Variants in ITCH observed in about 807,000 individuals in gnomAD.
ITCH encodes the protein itchy E3 ubiquitin protein ligase, also known as E3 ubiquitin-protein ligase Itchy homolog.
A neutral mutation model predicts 126.8 loss-of-function variants in ITCH; 28 were observed. That is an observed-to-expected ratio of 0.22 (90% CI 0.16 to 0.30). The LOEUF (loss-of-function observed/expected upper bound fraction) is 0.30, where lower values mean the gene tolerates loss of function less well. Among genes scored for constraint, ITCH ranks in the 10% least tolerant of loss-of-function variants. The pLI, the probability that ITCH is intolerant of heterozygous loss-of-function variation, is 1.00. For missense variants in ITCH, 631 were observed against 1,032.4 expected, an observed-to-expected ratio of 0.61 and a Z score of 5.33; for synonymous variants, 342 against 340.0, an observed-to-expected ratio of 1.01 and a Z score of -0.06.
intron 13 of ITCH, among the ~76,000 whole-genome samples, chr20:34,459,368 G>A (rs1023895882): frequency 6.6e-6 from 1 of 152,046 alleles, no homozygotes; most frequent in Non-Finnish European, 1.5e-5. Flanking sequence ...ATCACGTACT[G>A]CCCTCTTGGC....
intron 2 of ITCH, among the ~76,000 whole-genome samples, chr20:34,389,360 C>A (rs1403847620): frequency 2.6e-5 from 4 of 151,964 alleles, no homozygotes; most frequent in Non-Finnish European, 5.9e-5. Flanking sequence ...ATAAGTGGAT[C>A]TGTGCAGTTC....
intron 2 of ITCH, among the ~76,000 whole-genome samples, chr20:34,370,774 G>A (rs900534622): frequency 2.6e-5 from 4 of 152,022 alleles, no homozygotes; most frequent in African/African-American, 9.7e-5. Context: ...TAAAAGGTCA[G>A]GAGAGAAGGA....
chr20:34,460,179 T>TTTGTTG (rs11467826), intron 13 of ITCH, among the ~76,000 whole-genome samples: 40 of 150,568 alleles, frequency 2.7e-4, no homozygotes, highest in Non-Finnish European at 4.0e-4. Context: ...TGAATACAGG[T>TTTGTTG]TTGTTGTTGT....
intron 8 of ITCH, 130 bp from the exon 9 acceptor site, chr20:34,440,025 A>G (rs923163100): frequency 4.3e-5 from 29 of 678,220 alleles, no homozygotes; most frequent in Non-Finnish European, 6.6e-5. Flanking sequence ...TCTTTAAGTA[A>G]TTTTCACCTG....
chr20:34,403,943 G>A (rs1183175259), intron 3 of ITCH, among the ~76,000 whole-genome samples: 1 of 152,158 alleles, frequency 6.6e-6, no homozygotes, highest in Non-Finnish European at 1.5e-5. Flanking sequence ...TAGGAGGCTG[G>A]AAGGGTAAGT....
intron 6 of ITCH, among the ~76,000 whole-genome samples, chr20:34,415,802 TAGA>T (rs1979748162): frequency 6.6e-6 from 1 of 152,174 alleles, no homozygotes; most frequent in African/African-American, 2.4e-5. Flanking sequence ...GCTTCGCCCA[TAGA>T]AGATGAAACT....
intron 20 of ITCH, among the ~76,000 whole-genome samples, 173 bp downstream of exon 20, chr20:34,481,379 A>T (rs933569893): frequency 4.6e-5 from 7 of 152,142 alleles, no homozygotes; most frequent in Non-Finnish European, 7.4e-5. Flanking sequence ...AAGTGTTTTT[A>T]AAAGAGTTTT....
chr20:34,468,790 C>CAA (rs141622524), intron 14 of ITCH, among the ~76,000 whole-genome samples: 78 of 139,196 alleles, frequency 5.6e-4, no homozygotes, highest in Non-Finnish European at 9.4e-4. Context: ...GACTCCATCT[C>CAA]AAAAAAAAAA....
chr20:34,374,732 A>AT (rs200015917), intron 2 of ITCH, among the ~76,000 whole-genome samples: 3,100 of 140,054 alleles, frequency 0.022, 48 homozygotes, highest in Middle Eastern at 0.077. Flanking sequence ...TTGGCTTACA[A>AT]TTTTTTTTTT....
intron 23 of ITCH, among the ~76,000 whole-genome samples, chr20:34,501,160 G>T (rs762772700): frequency 6.6e-6 from 1 of 152,204 alleles, no homozygotes; most frequent in Non-Finnish European, 1.5e-5. Flanking sequence ...GGTGGTGTAT[G>T]TAATTCTTTA....
At chr20:34,466,094 C>CT (rs1326005789) in intron 14 of ITCH, among the ~76,000 whole-genome samples, 1 of 152,044 alleles carries the variant, frequency 6.6e-6, no homozygotes, top group Non-Finnish European at 1.5e-5. Context: ...CCTAGTGTTT[C>CT]CTATCCCTGT....
At position 34,441,591 on chromosome 20, in the gene ITCH, A is replaced by ATTTTTTTTT. The variant is rs55890829; in HGVS notation, c.870-613_870-605dup. The ATTTTTTTTT allele has an allele frequency of 3.8e-4, 53 of 137,680 alleles. 2 individuals carry two copies. The highest frequency in any genetic ancestry group is 5.1e-4 in the Non-Finnish European group (33 of 65,162). The allele number at this position is 137,680 out of a possible 1,614,324, so 8.5% of individuals were successfully genotyped here. A position where few individuals can be genotyped will look rare whatever the true frequency, so the allele number is the denominator to read the frequency against. ...AGGTACCTGCCACCATGCCCAGCTA[A>ATTTTTTTTT]TTTTTTTTTTTTGAGATGGAGTCTC... On this transcript the variant is annotated intron_variant, in intron 9 of 24. Coordinates refer to ENST00000374864, the MANE Select transcript of ITCH (RefSeq NM_031483.7).
At chr20:34,495,127 A>AGGT (rs1233290539) in intron 23 of ITCH, among the ~76,000 whole-genome samples, 1 of 145,976 alleles carries the variant, frequency 6.9e-6, no homozygotes, top group Non-Finnish European at 1.5e-5. Context: ...TAGCCAGGTG[A>AGGT]GGTGGTGGGA....
chr20:34,471,796 T>TG (rs58040161), intron 16 of ITCH, among the ~76,000 whole-genome samples: 1 of 150,178 alleles, frequency 6.7e-6, no homozygotes, highest in Non-Finnish European at 1.5e-5. Context: ...TGTGTGTGTG[T>TG]TTCAGGTTTC....
intron 12 of ITCH, chr20:34,450,874 C>T (rs569358241): frequency 6.6e-6 from 1 of 152,284 alleles, no homozygotes; most frequent in East Asian, 1.9e-4. Context: ...TGAGAAATCT[C>T]ATTGCTCTTA....
At chr20:34,425,593 G>A (rs1981404181) in intron 7 of ITCH, among the ~76,000 whole-genome samples, 1 of 152,188 alleles carries the variant, frequency 6.6e-6, no homozygotes, top group South Asian at 2.1e-4. Flanking sequence ...GGTGAGATAT[G>A]CTGGCAGCAA....
At chr20:34,408,833 T>C in intron 4 of ITCH, 41 bp downstream of exon 4, 1 of 1,594,550 alleles carries the variant, frequency 6.3e-7, no homozygotes, top group African/African-American at 1.3e-5. Context: ...TTTTGTTTAG[T>C]AGATGATTGG....
chr20:34,462,583 C>G (rs1986646967), intron 14 of ITCH, among the ~76,000 whole-genome samples: 2 of 152,092 alleles, frequency 1.3e-5, no homozygotes, highest in African/African-American at 4.8e-5. Flanking sequence ...AGAAAGTAAC[C>G]TTTTGATTTG....
chr20:34,455,474 ATTT>A (rs1199707564), intron 12 of ITCH, among the ~76,000 whole-genome samples: 1 of 139,078 alleles, frequency 7.2e-6, no homozygotes, highest in African/African-American at 2.6e-5. Context: ...TGATATCCAC[ATTT>A]TTTTTTTTTT....
Sources: gnomAD v4.1 joint callset for allele counts (sites outside exome capture counted in the v4.1 genomes callset) on GRCh38, gnomAD v4.1.1 for gene constraint, MANE v1.5 for transcripts, NCBI Gene and HGNC (gene_info 2026-07-23, HGNC 2026-07-21) for gene names.